MYO7A: variants seen among roughly 807,000 people sequenced by gnomAD.
MYO7A encodes the protein unconventional myosin-VIIa.
Under a neutral mutation model 263.8 loss-of-function variants are expected in MYO7A, and 210 were observed. The observed-to-expected ratio is 0.80, with a 90% CI of 0.71 to 0.89. MYO7A has a LOEUF of 0.89. Among genes scored for constraint, MYO7A ranks in the 40% least tolerant of loss-of-function variants. The probability of loss-of-function intolerance (pLI) is 0.00; values close to 1 mark genes in which losing one functional copy is unlikely to be tolerated. For synonymous variants in MYO7A, 1,239 were observed against 1,197.3 expected, an observed-to-expected ratio of 1.03 and a Z score of -0.72; for missense variants, 2,820 against 2,968.3, an observed-to-expected ratio of 0.95 and a Z score of 1.16.
At chr11:77,191,991 G>A in intron 30 of MYO7A, 60 bp from the exon 31 acceptor site, 3 of 1,475,882 alleles carry the variant, frequency 2.0e-6, no homozygotes, top group Non-Finnish European at 2.8e-6. Context: ...TGGCCCCGTT[G>A]AGGCTCCTCA....
chr11:77,191,233 T>G (rs1956045120), intron 30 of MYO7A: 1 of 169,462 alleles, frequency 5.9e-6, no homozygotes, highest in Admixed American at 5.9e-5. Context: ...GGTAGGAGAA[T>G]CACTTGAACC....
In MYO7A at chr11:77,162,799, G is replaced by T. The variant is rs1953122264; in HGVS notation, c.1555-54G>T. On this transcript the variant is annotated intron_variant, in intron 13 of 48. Coordinates refer to ENST00000409709, the MANE Select transcript of MYO7A (RefSeq NM_000260.4). ...GGGGCAAAGACATGGGCAGGGAGGG[G>T]AGTGGGGCCCATGGAGGAGAGGGTG... 11 of 1,588,810 alleles carry T rather than the reference G, an allele frequency of 6.9e-6. No homozygotes were observed. The Admixed American group carries it at 8.5e-5, about 12-fold the overall frequency.
chr11:77,159,419 C>CCCAA, intron 9 of MYO7A, 28 bp from the exon 10 acceptor site: 1 of 1,545,420 alleles, frequency 6.5e-7, no homozygotes, highest in Non-Finnish European at 8.9e-7. Context: ...CCTCCCTCCC[C>CCCAA]TGATGCTGTG....
intron 31 of MYO7A, among the ~76,000 whole-genome samples, chr11:77,193,392 T>C (rs1399699034): frequency 6.6e-6 from 1 of 151,276 alleles, no homozygotes; most frequent in African/African-American, 2.4e-5. Context: ...ATGATGGTGA[T>C]GGTGGAGGCA....
rs961346768 is a variant in MYO7A at position 77,211,702 on chromosome 11, G to A, written c.6238-119G>A. ...CTGTCCTAGTCCTGGCCCTGAGGGT[G>A]CAGACGGGGCTGGAGTGGGCAGGGG... is the stretch of plus-strand genomic sequence containing the variant. On this transcript the variant is annotated intron_variant, in intron 45 of 48. Transcript: ENST00000409709. 5.4e-6 allele frequency: 4 copies of A among 734,914 alleles called. No individual in the cohort carries two copies. In the African/African-American group the frequency reaches 7.0e-5, roughly 13 times the overall value. 45.5% of individuals were successfully genotyped at this position (734,914 alleles called of 1,614,324 possible). A position where few individuals can be genotyped will look rare whatever the true frequency, so the allele number is the denominator to read the frequency against.
rs976111568 is a variant in MYO7A at position 77,130,576 on chromosome 11, T to C, written c.-46-13T>C. The C allele has an allele frequency of 1.9e-6, 3 of 1,602,278 alleles. No individual in the cohort carries two copies. The highest frequency in any genetic ancestry group is 2.7e-5 in the African/African-American group (2 of 74,848). On this transcript the variant is annotated splice_polypyrimidine_tract_variant and intron_variant, in intron 1 of 48. Transcript: ENST00000409709. ...GCCTGCCCAGAAGCATGACATGGTC[T>C]CTCTCCCTGCAGAACTGTGCCTGGC... is the stretch of plus-strand genomic sequence containing the variant.
At chr11:77,160,561 A>G (rs1375734331) in intron 11 of MYO7A, among the ~76,000 whole-genome samples, 2 of 152,148 alleles carry the variant, frequency 1.3e-5, no homozygotes, top group Non-Finnish European at 2.9e-5. Flanking sequence ...TGCAGAAGAC[A>G]CAGAAGAGGG....
Position 77,183,468 on chromosome 11 carries a change from G to A in MYO7A, c.3375+311G>A, listed in dbSNP as rs1416098767. On this transcript the variant is annotated intron_variant, in intron 26 of 48. Transcript: ENST00000409709. The stretch of plus-strand genomic sequence containing the variant: ...TACACTTCTAGCCGGGCACAGACCC[G>A]AGGCACTTGGTCCAAGGACCTTTGA... Among the ~76,000 whole-genome samples the A allele has an allele frequency of 2.0e-5, 3 of 152,370 alleles. No homozygotes were observed. In the East Asian group the frequency reaches 5.8e-4, roughly 29 times the overall value.
At chr11:77,213,147 T>C in intron 47 of MYO7A, 112 bp downstream of exon 47, 1 of 827,046 alleles carries the variant, frequency 1.2e-6, no homozygotes, top group South Asian at 1.7e-5. Context: ...TCTAGACTCA[T>C]CCACCCATCA....
Position 77,202,305 on chromosome 11 carries a change from G to T in MYO7A, c.5049G>T (p.Leu1683=). 1 of 1,586,262 alleles carries T rather than the reference G, an allele frequency of 6.3e-7. No homozygotes were observed. Among genetic ancestry groups the T allele is most frequent in the East Asian group, 2.3e-5 (1 of 43,624 alleles). Residue 1683 remains leucine (L), a synonymous_variant, in exon 37 of 49, where the codon CTG becomes CTT. Coordinates refer to ENST00000409709, the MANE Select transcript of MYO7A (RefSeq NM_000260.4). Reference sequence around the variant, plus strand: ...CCCTGTCTCTTGGTCCCTAGGCCCTGGTCACCATGACTCCCGATCAGAGGC... The same window carrying T: ...CCCTGTCTCTTGGTCCCTAGGCCCTTGTCACCATGACTCCCGATCAGAGGC... ...VTMPPREIVA[L]VTMTPDQRQD...
intron 48 of MYO7A, 33 bp downstream of exon 48, chr11:77,214,012 C>A: frequency 5.0e-6 from 8 of 1,612,658 alleles, no homozygotes; most frequent in Non-Finnish European, 6.8e-6. Flanking sequence ...CTAGTGGGCT[C>A]CCTGCCTTGC....
At chr11:77,153,773 GC>G (rs1952192577) in intron 4 of MYO7A, among the ~76,000 whole-genome samples, 1 of 152,020 alleles carries the variant, frequency 6.6e-6, no homozygotes, top group African/African-American at 2.4e-5. Flanking sequence ...CTTGCTACCA[GC>G]GGCTGGGCCC....
intron 31 of MYO7A, among the ~76,000 whole-genome samples, chr11:77,192,562 C>T (rs1360980361): frequency 1.3e-5 from 2 of 151,934 alleles, no homozygotes; most frequent in Admixed American, 6.5e-5. Flanking sequence ...GAGGACGTGC[C>T]GCAGGACCTG....
intron 1 of MYO7A, among the ~76,000 whole-genome samples, chr11:77,130,163 G>C (rs1676171550): frequency 6.6e-6 from 1 of 152,260 alleles, no homozygotes; most frequent in Admixed American, 6.5e-5. Context: ...CTTCTGCTCA[G>C]TCAGGCTTGT....
At position 77,189,450 on chromosome 11, in the gene MYO7A, C is replaced by G; in HGVS notation, c.3610C>G (p.Pro1204Ala). The G allele has an allele frequency of 6.2e-7, 1 of 1,613,872 alleles. No homozygotes were observed. Among genetic ancestry groups the G allele is most frequent in the South Asian group, 1.1e-5 (1 of 91,078 alleles). ...LVSLCVGCFA[P>A]SEKFVKYLRN... ...GTCTCTCTGCGTGGGCTGTTTCGCCCCCTCCGAGAAGTTTGTCAAGGTAGG... is the reference window on the plus strand; with the variant it reads ...GTCTCTCTGCGTGGGCTGTTTCGCCGCCTCCGAGAAGTTTGTCAAGGTAGG... Residue 1204 changes from proline to alanine, a missense_variant, in exon 28 of 49, where the codon CCC becomes GCC. Physicochemically the swap from Pro to Ala is conservative, Grantham distance 27. Transcript: ENST00000409709.
At chr11:77,155,337 A>G (rs1952349216) in intron 4 of MYO7A, among the ~76,000 whole-genome samples, 1 of 152,166 alleles carries the variant, frequency 6.6e-6, no homozygotes, top group Non-Finnish European at 1.5e-5. Context: ...TCTGTCCCCT[A>G]GAGCACAGCA....
In MYO7A at chr11:77,166,993, G is replaced by A. The variant is rs1555072981; in HGVS notation, c.1797+831G>A. Among the ~76,000 whole-genome samples, 3 of 152,338 alleles carry A rather than the reference G, an allele frequency of 2.0e-5. No homozygotes were observed. The South Asian group carries it at 6.2e-4, about 32-fold the overall frequency. On this transcript the variant is annotated intron_variant, in intron 15 of 48. Coordinates refer to ENST00000409709, the MANE Select transcript of MYO7A (RefSeq NM_000260.4). ...GCGCCACTCAGCAGCTGCTGCGAAG[G>A]TAAAAGACCCCAGCCCGGGGCTGAG...
chr11:77,138,364 T>G lies in MYO7A; in HGVS notation c.19-4345T>G, dbSNP rs374922963. On this transcript the variant is annotated intron_variant, in intron 2 of 48. Coordinates refer to ENST00000409709, the MANE Select transcript of MYO7A (RefSeq NM_000260.4). The surrounding 1 kb of genome is among the most constrained non-coding windows in gnomAD (Gnocchi z 4.9). ...CGCGCGCATCCCGCAGCCCGGCAAG[T>G]GGGCGCTGGTGCGCAGCCTGAACCA... Among the ~76,000 whole-genome samples the G allele has an allele frequency of 1.7e-4, 26 of 151,738 alleles. No homozygotes were observed. In the East Asian group the frequency reaches 1.9e-3, roughly 11 times the overall value.
intron 16 of MYO7A, 44 bp downstream of exon 16, chr11:77,172,929 A>G: frequency 6.6e-7 from 1 of 1,526,212 alleles, no homozygotes; most frequent in Non-Finnish European, 8.8e-7. Flanking sequence ...GGCTAGGGTG[A>G]CGTGGAGGAG....
Sources: gnomAD v4.1 joint callset for allele counts (sites outside exome capture counted in the v4.1 genomes callset) on GRCh38, gnomAD v4.1.1 for gene constraint, Gnocchi (gnomAD v3.1) non-coding constraint, MANE v1.5 for transcripts, NCBI Gene and HGNC (gene_info 2026-07-23, HGNC 2026-07-21) for gene names.